The following ATP5PO variants were observed in gnomAD, a reference collection of about 807,000 sequenced individuals.
ATP5PO encodes ATP synthase peripheral stalk subunit OSCP, mitochondrial.
Under a neutral mutation model 26.2 loss-of-function variants are expected in ATP5PO, and 14 were observed. The observed-to-expected ratio is 0.53, with a 90% CI of 0.35 to 0.83. The LOEUF is 0.83. Among genes scored for constraint, ATP5PO ranks in the 40% least tolerant of loss-of-function variants. The pLI is 0.01. For synonymous variants in ATP5PO, 106 were observed against 95.1 expected (o/e 1.12, Z -0.67); for missense variants, 241 against 258.5 (o/e 0.93, Z 0.46).
chr21:33,912,221 C>T (rs553480576), intron 3 of ATP5PO, 68 bp downstream of exon 3: 3 of 1,401,206 alleles, frequency 2.1e-6, no homozygotes, highest in African/African-American at 1.4e-5. Context: ...ATTAGGAATG[C>T]ACAAACAACC....
Position 33,911,587 on chromosome 21 carries a change from A to T in ATP5PO, c.198+702T>A, listed in dbSNP as rs564040726. On this transcript the variant is annotated intron_variant, in intron 3 of 6. Coordinates refer to ENST00000290299, the MANE Select transcript of ATP5PO (RefSeq NM_001697.3). The stretch of plus-strand genomic sequence containing the variant: ...AGAATATGGCAATTAAAACCTGAGG[A>T]AAAGGTTTCATGAAAACAAATTCTC... 2.6e-5 allele frequency among the ~76,000 whole-genome samples: 4 copies of T among 152,014 alleles called. No homozygotes were observed. The South Asian group carries it at 8.3e-4, about 32-fold the overall frequency.
chr21:33,908,906 C>A (rs1368109969), intron 4 of ATP5PO, 176 bp downstream of exon 4: 1 of 638,458 alleles, frequency 1.6e-6, no homozygotes, highest in Non-Finnish European at 2.5e-6. Context: ...AATGTGCAAA[C>A]GATTCACTTA....
chr21:33,915,578 G>A, intron 1 of ATP5PO, 150 bp downstream of exon 1: 1 of 1,219,652 alleles, frequency 8.2e-7, no homozygotes, highest in Non-Finnish European at 1.1e-6. Context: ...ACGCTGGGTC[G>A]TCCTGAGTCG....
rs77484664 is a variant in ATP5PO at position 33,904,584 on chromosome 21, T to C, written c.442-563A>G. On this transcript the variant is annotated intron_variant, in intron 5 of 6. Coordinates refer to ENST00000290299, the MANE Select transcript of ATP5PO (RefSeq NM_001697.3). ...ACCCCAGTGAGAGAACCTGGAGCAG[T>C]TGGCTTTTCCTGAAGTCAGCTCAGC... is the stretch of plus-strand genomic sequence containing the variant. Among the ~76,000 whole-genome samples the C allele has an allele frequency of 1.2e-4, 19 of 152,298 alleles. No homozygotes were observed. In the East Asian group the frequency reaches 1.7e-3, roughly 14 times the overall value.
Position 33,903,665 on chromosome 21 carries a change from G to A in ATP5PO, c.529-26C>T, listed in dbSNP as rs372296879. On this transcript the variant is annotated intron_variant, in intron 6 of 6. Transcript: ENST00000290299. ...CTACAAAAGAAGTAAGACTGGAAAT[G>A]TGAAAACGCGCTAATCAAATGGGAC... The A allele has an allele frequency of 6.2e-5, 99 of 1,606,234 alleles. No individual in the cohort carries two copies. In the African/African-American group the frequency reaches 1.2e-3, roughly 20 times the overall value.
chr21:33,906,389 A>T (rs752258706), intron 5 of ATP5PO: 4 of 290,964 alleles, frequency 1.4e-5, no homozygotes, highest in Non-Finnish European at 2.0e-5. Context: ...AATGTAGTGT[A>T]GTCTAAGGAA....
rs562938335 is a variant in ATP5PO at position 33,907,261 on chromosome 21, CCT to C, written c.441+78_441+79del. The C allele has an allele frequency of 2.9e-4, 363 of 1,254,154 alleles. 1 individual carries two copies. In the African/African-American group the frequency reaches 4.6e-3, roughly 16 times the overall value. The allele number at this position is 1,254,154 out of a possible 1,614,324, so 77.7% of individuals were successfully genotyped here. On this transcript the variant is annotated intron_variant, in intron 5 of 6. Transcript: ENST00000290299. ...ACCTTTCCCAATTTCTTGATTTTAC[CCT>C]GTTTTTCCCTTTTCTTCCTGCAAAA...
intron 3 of ATP5PO, among the ~76,000 whole-genome samples, chr21:33,909,706 G>C (rs988866003): frequency 4.6e-5 from 7 of 152,188 alleles, no homozygotes; most frequent in African/African-American, 1.4e-4. Context: ...ATTTTATATA[G>C]AATGATGTTC....
At chr21:33,911,163 A>T (rs1173303691) in intron 3 of ATP5PO, among the ~76,000 whole-genome samples, 1 of 152,232 alleles carries the variant, frequency 6.6e-6, no homozygotes, top group Non-Finnish European at 1.5e-5. Flanking sequence ...GAAGCAACAG[A>T]ATGTGTAGAA....
In ATP5PO at chr21:33,904,783, C is replaced by G. The variant is rs577319259; in HGVS notation, c.442-762G>C. ...TGAGACCGAGTCTCGCTCTGTCACC[C>G]AGGCTGGAGTAGAGTGGCGAGATCT... On this transcript the variant is annotated intron_variant, in intron 5 of 6. Transcript: ENST00000290299. Among the ~76,000 whole-genome samples, 54 of 152,318 alleles carry G rather than the reference C, an allele frequency of 3.5e-4. No homozygotes were observed. The South Asian group carries it at 4.1e-3, about 12-fold the overall frequency.
At chr21:33,915,533 C>G in intron 1 of ATP5PO, 195 bp downstream of exon 1, 1 of 776,916 alleles carries the variant, frequency 1.3e-6, no homozygotes, top group South Asian at 1.9e-5. Flanking sequence ...CGCGCAGCCC[C>G]GCGCCTACTG....
chr21:33,912,814 G>A (rs182555011), intron 2 of ATP5PO, among the ~76,000 whole-genome samples: 2 of 152,304 alleles, frequency 1.3e-5, no homozygotes, highest in Admixed American at 6.5e-5. Context: ...GAAAACAGGT[G>A]TTTATGAAAC....
At chr21:33,907,721 G>C (rs761295378) in intron 4 of ATP5PO, among the ~76,000 whole-genome samples, 2 of 152,208 alleles carry the variant, frequency 1.3e-5, no homozygotes, top group Non-Finnish European at 2.9e-5. Flanking sequence ...AGCTACTCAG[G>C]AGGCTGAGGC....
intron 3 of ATP5PO, among the ~76,000 whole-genome samples, chr21:33,911,880 G>A (rs1021538479): frequency 6.6e-6 from 1 of 151,918 alleles, no homozygotes; most frequent in Non-Finnish European, 1.5e-5. Flanking sequence ...CAGCTAGGCT[G>A]GTCTTGAACT....
In ATP5PO at chr21:33,912,313, T is replaced by C. The variant is rs1457555375; in HGVS notation, c.174A>G (p.Val58=). ...AASKQNKLEQ[V]EKELLRVAQI... ...CTGCTACTCTCAACAACTCCTTTTC[T>C]ACTTGCTCCAGCTTATTCTGTTTTG... Residue 58 remains valine (V), a synonymous_variant, in exon 3 of 7, where the codon GTA becomes GTG. Coordinates refer to ENST00000290299, the MANE Select transcript of ATP5PO (RefSeq NM_001697.3). 5 of 1,613,066 alleles carry C rather than the reference T, an allele frequency of 3.1e-6. No homozygotes were observed.
chr21:33,904,156 G>T (rs1435202345), intron 5 of ATP5PO, 135 bp from the exon 6 acceptor site: 5 of 676,656 alleles, frequency 7.4e-6, no homozygotes, highest in Non-Finnish European at 1.2e-5. Flanking sequence ...TCATGGAGCT[G>T]CTCTGCAGCA....
At chr21:33,909,685 A>G (rs947068961) in intron 3 of ATP5PO, among the ~76,000 whole-genome samples, 1 of 152,134 alleles carries the variant, frequency 6.6e-6, no homozygotes, top group Non-Finnish European at 1.5e-5. Flanking sequence ...TACACTGTGC[A>G]CTGCACCAGG....
Position 33,915,734 on chromosome 21 carries a change from G to A in ATP5PO, c.30C>T (p.Ser10=), listed in dbSNP as rs377315164. The A allele has an allele frequency of 1.3e-6, 2 of 1,575,268 alleles. No homozygotes were observed. The highest frequency in any genetic ancestry group is 1.3e-5 in the African/African-American group (1 of 74,160). ...AGGACCACCTTTCTCTCACCTGCCGGGAGAGCCCGGACACTGCTGGGGCAG... is the reference window on the plus strand; with the variant it reads ...AGGACCACCTTTCTCTCACCTGCCGAGAGAGCCCGGACACTGCTGGGGCAG... MAAPAVSGL[S]RQVRCFSTSV... is the part of the protein sequence containing the mutation. The change falls in exon 1 of 7, where the codon TCC becomes TCT. Residue 10 remains serine (S), a synonymous_variant. Coordinates refer to ENST00000290299, the MANE Select transcript of ATP5PO (RefSeq NM_001697.3).
chr21:33,906,586 G>T (rs1987175643), intron 5 of ATP5PO: 1 of 437,772 alleles, frequency 2.3e-6, no homozygotes, highest in African/African-American at 2.1e-5. Context: ...ATATAGTAGG[G>T]TTCAATAAAC....
Sources: gnomAD v4.1 joint callset for allele counts (sites outside exome capture counted in the v4.1 genomes callset) on GRCh38, gnomAD v4.1.1 for gene constraint, MANE v1.5 for transcripts, NCBI Gene and HGNC (gene_info 2026-07-23, HGNC 2026-07-21) for gene names.